Variants in HMCN1 observed in about 807,000 individuals in gnomAD.
HMCN1 encodes hemicentin 1.
A neutral mutation model predicts 625.9 loss-of-function variants in HMCN1; 321 were observed. The ratio of observed to expected loss-of-function variants is 0.51; its 90% confidence interval spans 0.47 to 0.56. The LOEUF is 0.56. HMCN1 is among the 20% of genes least tolerant of loss of function. The pLI is 0.00. For missense variants in HMCN1, 6,588 were observed against 6,887.3 expected, an observed-to-expected ratio of 0.96 and a Z score of 1.54; for synonymous variants, 2,425 against 2,417.6, an observed-to-expected ratio of 1.00 and a Z score of -0.09.
chr1:185,761,806 T>C (rs1024583237), intron 1 of HMCN1, among the ~76,000 whole-genome samples: 11 of 151,920 alleles, frequency 7.2e-5, no homozygotes, highest in Non-Finnish European at 1.2e-4. Context: ...TGGAACAATT[T>C]ATCCTTGGTT....
intron 100 of HMCN1, among the ~76,000 whole-genome samples, chr1:186,171,098 T>C: frequency 6.6e-6 from 1 of 152,224 alleles, no homozygotes; most frequent in East Asian, 1.9e-4. Context: ...GAAGAGTGTT[T>C]CATTGACATA....
chr1:186,145,690 G>A (rs1301726891), intron 92 of HMCN1, 63 bp from the exon 93 acceptor site: 5 of 1,612,734 alleles, frequency 3.1e-6, no homozygotes, highest in South Asian at 2.2e-5. Context: ...GGCACCCCAA[G>A]TATAGATTAT....
intron 44 of HMCN1, 66 bp downstream of exon 44, chr1:186,054,052 C>A: frequency 1.4e-6 from 2 of 1,462,668 alleles, no homozygotes; most frequent in Non-Finnish European, 1.9e-6. Context: ...TTCTCATTTA[C>A]TTTTAAAAAT....
In HMCN1 at chr1:186,165,214, ATG is replaced by A. The variant is rs771079793; in HGVS notation, c.15319+43_15319+44del. 3.9e-6 allele frequency: 6 copies of A among 1,537,328 alleles called. No individual in the cohort carries two copies. In the Admixed American group the frequency reaches 1.0e-4, roughly 26 times the overall value. The stretch of plus-strand genomic sequence containing the variant: ...AATAAAGGGTTTTCTTTTAATGAAA[ATG>A]TCAATATTGGATAGCATTTAATGGG... On this transcript the variant is annotated intron_variant, in intron 98 of 106. Transcript: ENST00000271588.
intron 1 of HMCN1, among the ~76,000 whole-genome samples, chr1:185,802,234 A>G (rs1053276113): frequency 5.3e-5 from 8 of 152,196 alleles, no homozygotes; most frequent in African/African-American, 1.9e-4. Context: ...GGTACTTTTC[A>G]TAGACATGGG....
intron 89 of HMCN1, among the ~76,000 whole-genome samples, chr1:186,143,383 G>A (rs1249283952): frequency 6.6e-6 from 1 of 152,068 alleles, no homozygotes; most frequent in African/African-American, 2.4e-5. Context: ...ACAAAAATAT[G>A]ACCTGGTATT....
chr1:185,864,666 G>A, intron 3 of HMCN1, 38 bp downstream of exon 3: 1 of 1,600,808 alleles, frequency 6.2e-7, no homozygotes. Context: ...CTGTCTAAAT[G>A]CAGTATGTAA....
intron 10 of HMCN1, among the ~76,000 whole-genome samples, chr1:185,929,590 T>G (rs1244848873): frequency 2.6e-5 from 4 of 152,198 alleles, no homozygotes; most frequent in Non-Finnish European, 5.9e-5. Context: ...TTGAATTTAT[T>G]ACAATGTCTA....
chr1:185,909,683 T>G (rs956553632), intron 5 of HMCN1, among the ~76,000 whole-genome samples, 175 bp downstream of exon 5: 1 of 152,174 alleles, frequency 6.6e-6, no homozygotes, highest in Non-Finnish European at 1.5e-5. Context: ...TAACTATTGT[T>G]GAATTAACAT....
At chr1:186,005,221 A>G (rs920775620) in intron 29 of HMCN1, among the ~76,000 whole-genome samples, 16 of 124,584 alleles carry the variant, frequency 1.3e-4, no homozygotes, top group African/African-American at 4.3e-4. Context: ...ATGTTTATAA[A>G]CAATTTTTTA....
At chr1:186,184,380 G>A (rs900543697) in intron 105 of HMCN1, among the ~76,000 whole-genome samples, 3 of 152,094 alleles carry the variant, frequency 2.0e-5, no homozygotes, top group Non-Finnish European at 4.4e-5. Flanking sequence ...TGATACAAAC[G>A]TCAATAATAA....
intron 36 of HMCN1, among the ~76,000 whole-genome samples, chr1:186,034,365 C>A (rs1387616516): frequency 6.6e-6 from 1 of 152,136 alleles, no homozygotes; most frequent in Non-Finnish European, 1.5e-5. Flanking sequence ...ATTTAAGCTA[C>A]CAAGTTTGAG....
At chr1:185,894,752 A>C (rs1558047760) in intron 4 of HMCN1, among the ~76,000 whole-genome samples, 1 of 152,162 alleles carries the variant, frequency 6.6e-6, no homozygotes, top group Non-Finnish European at 1.5e-5. Flanking sequence ...GCTTCCAACA[A>C]AGATTTTGGA....
At position 186,081,364 on chromosome 1, in the gene HMCN1, T is replaced by C. The variant is rs148188970; in HGVS notation, c.8757T>C (p.His2919=). The C allele has an allele frequency of 1.0e-3, 1,670 of 1,613,588 alleles. 16 individuals carry two copies. The African/African-American group carries it at 0.02, about 19-fold the overall frequency. ...DGQPLLEDDH[H]KFLSNGRILQ... ...AGCCCTTGCTAGAAGATGACCATCA[T>C]AAATTTCTATCTAATGGACGAATTC... The change falls in exon 56 of 107, where the codon CAT becomes CAC. Residue 2919 remains histidine, a synonymous_variant. Coordinates refer to ENST00000271588, the MANE Select transcript of HMCN1 (RefSeq NM_031935.3).
At chr1:186,065,475 G>T in intron 49 of HMCN1, 46 bp downstream of exon 49, 2 of 1,403,870 alleles carry the variant, frequency 1.4e-6, no homozygotes, top group Non-Finnish European at 1.9e-6. Flanking sequence ...TGACATGACT[G>T]TAGGCTAAAT....
rs188646440 is a variant in HMCN1, at chr1:186,004,633, A to G, written c.4475+789A>G. Among the ~76,000 whole-genome samples the G allele has an allele frequency of 9.8e-5, 15 of 152,314 alleles. No individual in the cohort carries two copies. In the East Asian group the frequency reaches 2.7e-3, roughly 27 times the overall value. On this transcript the variant is annotated intron_variant, in intron 29 of 106. Transcript: ENST00000271588. ...GGCAAAAAAGCAAAGGTTTGAAATT[A>G]TCAAATGTTGACTAGAGTATGGGAA...
At chr1:186,110,662 T>C (rs923639076) in intron 71 of HMCN1, among the ~76,000 whole-genome samples, 7 of 151,994 alleles carry the variant, frequency 4.6e-5, no homozygotes, top group African/African-American at 1.7e-4. Context: ...AAGAAAGAGA[T>C]TGGAGACAGA....
At chr1:185,757,333 C>T (rs886508766) in intron 1 of HMCN1, among the ~76,000 whole-genome samples, 6 of 152,270 alleles carry the variant, frequency 3.9e-5, no homozygotes, top group East Asian at 3.9e-4. Context: ...TGATCTGGCC[C>T]GATCGCCTCT....
chr1:186,082,896 G>A lies in HMCN1; in HGVS notation c.8819G>A (p.Arg2940Lys). The A allele has an allele frequency of 6.3e-7, 1 of 1,591,706 alleles. No homozygotes were observed. The highest frequency in any genetic ancestry group is 8.6e-7 in the Non-Finnish European group (1 of 1,167,680). The change falls in exon 57 of 107, where the codon AGG becomes AAG. Residue 2940 changes from arginine (R) to lysine (K), a missense_variant. Coordinates refer to ENST00000271588, the MANE Select transcript of HMCN1 (RefSeq NM_031935.3). ...AATACTCAAATAACAGATATCGGCA[G>A]GTATGTGTGTGTTGCTGAGAACACA... ...ILNTQITDIG[R>K]YVCVAENTAG...
Sources: allele counts gnomAD v4.1 joint callset (sites outside exome capture counted in the v4.1 genomes callset), GRCh38; gene constraint gnomAD v4.1.1; transcripts MANE v1.5; gene names NCBI Gene and HGNC (gene_info 2026-07-23, HGNC 2026-07-21).